Variants in DNM3 observed in about 807,000 individuals in gnomAD.
DNM3 encodes the protein dynamin-3.
Under a neutral mutation model 101.6 loss-of-function variants are expected in DNM3, and 47 were observed. The observed-to-expected ratio is 0.46, with a 90% CI of 0.37 to 0.59. The LOEUF is 0.59. DNM3 is among the 20% of genes least tolerant of loss of function. The pLI is 0.00. For synonymous variants in DNM3, 385 were observed against 387.9 expected (o/e 0.99, Z 0.09); for missense variants, 849 against 1,085.7 (o/e 0.78, Z 3.06).
chr1:172,151,197 C>T (rs749391924), intron 14 of DNM3, among the ~76,000 whole-genome samples: 39 of 152,222 alleles, frequency 2.6e-4, no homozygotes, highest in Middle Eastern at 6.8e-3. Context: ...TTAAGCCTAG[C>T]GCATGTGCAG....
chr1:172,389,063 A>G (rs894319619), intron 20 of DNM3: 49 of 509,338 alleles, frequency 9.6e-5, no homozygotes, highest in South Asian at 8.3e-4. Flanking sequence ...GTCCCAATGA[A>G]TGACATTTTG....
intron 1 of DNM3, among the ~76,000 whole-genome samples, chr1:171,906,651 G>A (rs1417697605): frequency 6.6e-6 from 1 of 151,842 alleles, no homozygotes; most frequent in Non-Finnish European, 1.5e-5. Flanking sequence ...AATTTATTTT[G>A]GAAGCTATAT....
intron 2 of DNM3, among the ~76,000 whole-genome samples, chr1:171,953,455 T>C (rs905356921): frequency 2.0e-5 from 3 of 149,424 alleles, no homozygotes; most frequent in African/African-American, 7.4e-5. Flanking sequence ...CAAGATAGAA[T>C]CTTGCTCTGT....
At chr1:172,412,755 C>T (rs1487173913), downstream of DNM3, 1 of 984,390 alleles carries the variant, frequency 1.0e-6, no homozygotes, top group Non-Finnish European at 1.2e-6. Context: ...TGAGTCATGT[C>T]TATGCCTTTC....
chr1:172,003,345 T>C (rs1008699735), intron 4 of DNM3, among the ~76,000 whole-genome samples: 1 of 152,040 alleles, frequency 6.6e-6, no homozygotes, highest in Non-Finnish European at 1.5e-5. Context: ...ATTAATGTAA[T>C]AGCTCTTTTA....
chr1:171,969,844 C>T (rs1228220249), intron 2 of DNM3, among the ~76,000 whole-genome samples: 3 of 152,138 alleles, frequency 2.0e-5, no homozygotes, highest in African/African-American at 7.2e-5. Context: ...ACACTATCCC[C>T]ATTTTACATA....
chr1:171,879,624 A>G (rs764410968), intron 1 of DNM3, among the ~76,000 whole-genome samples: 14 of 152,214 alleles, frequency 9.2e-5, no homozygotes, highest in Non-Finnish European at 1.9e-4. Flanking sequence ...CTGGGCCTCT[A>G]AGAATGGCTT....
intron 15 of DNM3, chr1:172,290,152 A>G: frequency 6.2e-6 from 2 of 323,234 alleles, no homozygotes; most frequent in Non-Finnish European, 8.9e-6. Flanking sequence ...TGCTAGGAAT[A>G]TATTGGTGAA....
In DNM3 at chr1:172,008,951, T is replaced by C. The variant is rs917776744; in HGVS notation, c.589+19803T>C. ...TAATTAAATATTAATAAATATATTA[T>C]ATTAATATATTTATATATTAAACCT... On this transcript the variant is annotated intron_variant, in intron 4 of 20. Transcript: ENST00000627582. Among the ~76,000 whole-genome samples the C allele has an allele frequency of 4.8e-3, 666 of 138,180 alleles. 5 individuals carry two copies. The highest frequency in any genetic ancestry group is 7.0e-3 in the Non-Finnish European group (458 of 65,012). The allele number at this position is 138,180 out of a possible 152,430, so 90.7% of individuals were successfully genotyped here. A position where few individuals can be genotyped will look rare whatever the true frequency, so the allele number is the denominator to read the frequency against.
intron 2 of DNM3, among the ~76,000 whole-genome samples, chr1:171,954,843 A>G (rs2042753679): frequency 6.6e-6 from 1 of 152,234 alleles, no homozygotes; most frequent in Non-Finnish European, 1.5e-5. Flanking sequence ...TGTGTTATGC[A>G]ATTTTTCCTG....
At chr1:172,081,736 T>A in intron 11 of DNM3, 96 bp from the exon 12 acceptor site, 1 of 986,960 alleles carries the variant, frequency 1.0e-6, no homozygotes. Flanking sequence ...CTTTAAAAAA[T>A]TATATGAAGG....
chr1:172,312,522 AT>A (rs1458477466), intron 16 of DNM3, among the ~76,000 whole-genome samples: 2 of 152,024 alleles, frequency 1.3e-5, no homozygotes, highest in Admixed American at 6.6e-5. Flanking sequence ...CTCACTATAT[AT>A]TTTTTTCCAT....
chr1:172,245,911 GA>G (rs2061934848), intron 14 of DNM3, among the ~76,000 whole-genome samples: 1 of 152,198 alleles, frequency 6.6e-6, no homozygotes, highest in Non-Finnish European at 1.5e-5. Flanking sequence ...AATTTAAGAA[GA>G]AAAAAGGTTT....
intron 14 of DNM3, among the ~76,000 whole-genome samples, chr1:172,149,091 T>C (rs1003914597): frequency 6.6e-6 from 1 of 152,184 alleles, no homozygotes; most frequent in Non-Finnish European, 1.5e-5. Context: ...TTCAGAAAGT[T>C]TGCAAAAGAC....
chr1:171,901,533 C>T (rs541618178), intron 1 of DNM3, among the ~76,000 whole-genome samples: 15 of 152,132 alleles, frequency 9.9e-5, no homozygotes, highest in Admixed American at 5.2e-4. Flanking sequence ...CACTGATGCC[C>T]GGGAGAAGTG....
chr1:172,368,965 C>T (rs565760824), intron 17 of DNM3, among the ~76,000 whole-genome samples: 19 of 151,804 alleles, frequency 1.3e-4, no homozygotes, highest in South Asian at 1.2e-3. Context: ...AACAACAATT[C>T]GGTAACGAAA....
intron 14 of DNM3, among the ~76,000 whole-genome samples, chr1:172,167,081 C>T (rs996372949): frequency 6.6e-6 from 1 of 152,012 alleles, no homozygotes; most frequent in African/African-American, 2.4e-5. Flanking sequence ...CTCCCCACCC[C>T]ATGTCAGGCC....
At chr1:171,976,101 CAA>C (rs1372466639) in intron 2 of DNM3, among the ~76,000 whole-genome samples, 1 of 152,176 alleles carries the variant, frequency 6.6e-6, no homozygotes, top group African/African-American at 2.4e-5. Flanking sequence ...GGATTTTAGA[CAA>C]AGGTACAAAG....
In DNM3 at chr1:171,888,826, T is replaced by C. The variant is rs140255096; in HGVS notation, c.162-32922T>C. On this transcript the variant is annotated intron_variant, in intron 1 of 20. Transcript: ENST00000627582. The stretch of plus-strand genomic sequence containing the variant: ...GAAAAGGTGACCATATAAGAGTTTA[T>C]AATATCAAAGCAAGGCAGCATTGGG... Among the ~76,000 whole-genome samples, 211 of 152,316 alleles carry C rather than the reference T, an allele frequency of 1.4e-3. 1 individual carries two copies. The highest frequency in any genetic ancestry group is 0.014 in the Middle Eastern group (4 of 294).
Sources: allele counts gnomAD v4.1 joint callset (sites outside exome capture counted in the v4.1 genomes callset), GRCh38; gene constraint gnomAD v4.1.1; transcripts MANE v1.5; gene names NCBI Gene and HGNC (gene_info 2026-07-23, HGNC 2026-07-21).